CCBE1: variants seen among roughly 807,000 people sequenced by gnomAD.
CCBE1 encodes the protein collagen and calcium binding EGF domains 1.
In CCBE1, 37 loss-of-function variants were observed where a neutral mutation model predicts 50.0. The ratio of observed to expected loss-of-function variants is 0.74; its 90% CI spans 0.57 to 0.97. The LOEUF is 0.97. CCBE1 is among the 50% of genes least tolerant of loss of function. The pLI is 0.00. For missense variants in CCBE1, 538 were observed against 523.8 expected (o/e 1.03, Z -0.26); for synonymous variants, 234 against 203.7 (o/e 1.15, Z -1.27).
chr18:59,658,878 T>TC (rs1327252516), intron 2 of CCBE1, among the ~76,000 whole-genome samples: 51 of 27,504 alleles, frequency 1.9e-3, no homozygotes, highest in African/African-American at 4.1e-3. Context: ...AGACTCTGTC[T>TC]CAAAAAAAAA....
intron 3 of CCBE1, among the ~76,000 whole-genome samples, chr18:59,473,742 CT>C (rs373468122): frequency 1.2e-3 from 61 of 52,192 alleles, no homozygotes; most frequent in East Asian, 1.3e-3. Context: ...CCACTATTTC[CT>C]CCCCCACTAC....
At position 59,435,728 on chromosome 18, in the gene CCBE1, C is replaced by T; in HGVS notation, c.*180G>A. 1.4e-6 allele frequency: 1 copy of T among 691,722 alleles called. No homozygotes were observed. Among genetic ancestry groups the T allele is most frequent in the South Asian group, 1.7e-5 (1 of 59,292 alleles). The allele number at this position is 691,722 out of a possible 1,614,324, so 42.8% of individuals were successfully genotyped here. ...CATTCACTCCCTCATGTCTGCAGGC[C>T]TAGGAGGGGACTCTGAAAATAGCAT... On this transcript the variant is annotated 3_prime_UTR_variant, in exon 11 of 11. Transcript: ENST00000439986.
intron 2 of CCBE1, among the ~76,000 whole-genome samples, chr18:59,582,766 T>C (rs12960426): frequency 1.3e-5 from 2 of 152,154 alleles, no homozygotes; most frequent in African/African-American, 4.8e-5. Context: ...TTGCTAACTG[T>C]GAAGAGATTA....
chr18:59,571,378 C>G (rs1486246518), intron 2 of CCBE1, among the ~76,000 whole-genome samples: 1 of 148,866 alleles, frequency 6.7e-6, no homozygotes, highest in African/African-American at 2.5e-5. Context: ...ATCGCAAGGA[C>G]AGAAAACCAA....
intron 2 of CCBE1, among the ~76,000 whole-genome samples, chr18:59,668,994 T>C (rs2054396088): frequency 6.6e-6 from 1 of 151,702 alleles, no homozygotes; most frequent in Non-Finnish European, 1.5e-5. Context: ...CCACAACACC[T>C]GGCTAATTTT....
At chr18:59,686,193 T>A (rs1323726417) in intron 2 of CCBE1, 1 of 152,254 alleles carries the variant, frequency 6.6e-6, no homozygotes, top group Middle Eastern at 3.1e-3. Context: ...TTAAGTGGCA[T>A]CAGTGTGTGC....
intron 2 of CCBE1, among the ~76,000 whole-genome samples, chr18:59,677,375 G>T (rs2054519339): frequency 6.6e-6 from 1 of 152,140 alleles, no homozygotes; most frequent in Non-Finnish European, 1.5e-5. Flanking sequence ...CTGTGAGTGG[G>T]GGCTGGTCGG....
At chr18:59,569,572 T>C (rs570264356) in intron 2 of CCBE1, among the ~76,000 whole-genome samples, 2 of 152,082 alleles carry the variant, frequency 1.3e-5, no homozygotes, top group South Asian at 4.2e-4. Flanking sequence ...AAAGCCCAAA[T>C]TCTTTTTTAC....
chr18:59,440,681 G>A (rs1047109503), intron 7 of CCBE1, among the ~76,000 whole-genome samples: 4 of 152,132 alleles, frequency 2.6e-5, no homozygotes, highest in African/African-American at 9.7e-5. Flanking sequence ...GGTAGGAAAT[G>A]TTCTTCTGGC....
rs776172092 is a variant in CCBE1 at position 59,431,533 on chromosome 18, A to G, written c.*4375T>C. ...GAGAGTGGGGAATGACACCCAAAAT[A>G]TGATGGGGGAGTTGCTACCTGAAAA... On this transcript the variant is annotated 3_prime_UTR_variant, in exon 11 of 11. Transcript: ENST00000439986. 1.4e-4 allele frequency: 21 copies of G among 152,180 alleles called. No homozygotes were observed. The highest frequency in any genetic ancestry group is 2.4e-4 in the Non-Finnish European group (16 of 68,074). The allele number at this position is 152,180 out of a possible 1,614,324, so 9.4% of individuals were successfully genotyped here.
At chr18:59,549,960 C>T (rs1915853993) in intron 2 of CCBE1, among the ~76,000 whole-genome samples, 1 of 152,150 alleles carries the variant, frequency 6.6e-6, no homozygotes. Flanking sequence ...GGACCTTGTG[C>T]CAGATGGTTG....
chr18:59,670,890 G>A (rs1187177451), intron 2 of CCBE1, among the ~76,000 whole-genome samples: 1 of 152,152 alleles, frequency 6.6e-6, no homozygotes, highest in Non-Finnish European at 1.5e-5. Flanking sequence ...AGAGGTTTCA[G>A]TGAGCCTAGA....
At chr18:59,685,055 T>C (rs142802607) in intron 2 of CCBE1, among the ~76,000 whole-genome samples, 12 of 152,326 alleles carry the variant, frequency 7.9e-5, no homozygotes, top group African/African-American at 2.9e-4. Context: ...AGCTTGACAC[T>C]GAAAAGCTTT....
chr18:59,451,413 C>A (rs573223528), intron 6 of CCBE1, among the ~76,000 whole-genome samples: 35 of 137,894 alleles, frequency 2.5e-4, no homozygotes, highest in African/African-American at 9.8e-4. Context: ...ATAGTCCCTG[C>A]TGCCAGAACA....
rs948213337 is a variant in CCBE1, at chr18:59,436,167, T to C, written c.988-26A>G. ...CTGTGTACATGGGAGGAATCAAAGC[T>C]AGAATACGACAGACAGCAATGGCCT... On this transcript the variant is annotated intron_variant, in intron 10 of 10. Coordinates refer to ENST00000439986, the MANE Select transcript of CCBE1 (RefSeq NM_133459.4). 3.1e-6 allele frequency: 5 copies of C among 1,606,976 alleles called. No homozygotes were observed. The South Asian group carries it at 3.3e-5, about 11-fold the overall frequency.
At chr18:59,487,079 T>A (rs1385129298) in intron 2 of CCBE1, among the ~76,000 whole-genome samples, 1 of 149,892 alleles carries the variant, frequency 6.7e-6, no homozygotes, top group East Asian at 1.9e-4. Flanking sequence ...ATTTAATATT[T>A]CATTCCAAAG....
intron 2 of CCBE1, among the ~76,000 whole-genome samples, chr18:59,485,619 TTTA>T (rs1156449822): frequency 6.6e-6 from 1 of 151,036 alleles, no homozygotes; most frequent in Non-Finnish European, 1.5e-5. Context: ...TATTTATTTA[TTTA>T]TTTTTTGAGA....
intron 2 of CCBE1, among the ~76,000 whole-genome samples, chr18:59,592,341 TG>T (rs1420113727): frequency 6.6e-6 from 1 of 152,260 alleles, no homozygotes; most frequent in Non-Finnish European, 1.5e-5. Context: ...AATCTCATTA[TG>T]TATATACAAG....
At chr18:59,643,711 C>T (rs1303382098) in intron 2 of CCBE1, among the ~76,000 whole-genome samples, 1 of 151,930 alleles carries the variant, frequency 6.6e-6, no homozygotes, top group African/African-American at 2.4e-5. Context: ...ATCCCAGCTA[C>T]TCAGGAGGCT....
Sources: gnomAD v4.1 joint callset for allele counts (sites outside exome capture counted in the v4.1 genomes callset) on GRCh38, gnomAD v4.1.1 for gene constraint, MANE v1.5 for transcripts, NCBI Gene and HGNC (gene_info 2026-07-23, HGNC 2026-07-21) for gene names.